HPSE2: variants seen among roughly 807,000 people sequenced by gnomAD.
HPSE2 encodes the protein heparanase 2 (inactive).
Under a neutral mutation model 60.5 loss-of-function variants are expected in HPSE2, and 38 were observed. The ratio of observed to expected loss-of-function variants is 0.63; its 90% CI spans 0.48 to 0.82. HPSE2 has a LOEUF of 0.82. Among genes scored for constraint, HPSE2 ranks in the 40% least tolerant of loss-of-function variants. The probability of loss-of-function intolerance (pLI) is 0.00; values close to 1 mark genes in which losing one functional copy is unlikely to be tolerated. For missense variants in HPSE2, 713 were observed against 740.4 expected, an observed-to-expected ratio of 0.96 and a Z score of 0.43; for synonymous variants, 295 against 293.2, an observed-to-expected ratio of 1.01 and a Z score of -0.06.
In HPSE2 at chr10:98,641,858, T is replaced by C. The variant is rs1946646490; in HGVS notation, c.1087A>G (p.Lys363Glu). The stretch of plus-strand genomic sequence containing the variant: ...ATACTTTTACTCACTTTCTGAATTT[T>C]CCTAATCTGGTCAGAGAGTGTGTCT... Reference protein sequence around the residue: ...LLDTLSDQIRKIQKVVNTYTP... With the variant: ...LLDTLSDQIREIQKVVNTYTP... Residue 363 changes from lysine (K) to glutamate (E), a missense_variant, in exon 7 of 12, where the codon AAA (lysine) becomes GAA (glutamate). By Grantham distance (56) the Lys-to-Glu change is moderately conservative. Coordinates refer to ENST00000370552, the MANE Select transcript of HPSE2 (RefSeq NM_021828.5). The C allele has an allele frequency of 1.2e-6, 2 of 1,612,858 alleles. No individual in the cohort carries two copies. The highest frequency in any genetic ancestry group is 3.3e-5 in the Admixed American group (2 of 59,998).
intron 3 of HPSE2, among the ~76,000 whole-genome samples, chr10:98,955,156 A>G (rs1955473663): frequency 6.6e-6 from 1 of 151,872 alleles, no homozygotes; most frequent in South Asian, 2.1e-4. Context: ...TCACTCAGCA[A>G]TTTGTTATTA....
At chr10:99,158,675 A>G (rs1181859005) in intron 2 of HPSE2, among the ~76,000 whole-genome samples, 1 of 149,446 alleles carries the variant, frequency 6.7e-6, no homozygotes, top group Non-Finnish European at 1.5e-5. Flanking sequence ...GCAGCGCACC[A>G]GCATGGCACA....
At chr10:99,302,870 T>C in the HPSE2 span, among the ~76,000 whole-genome samples, 2 of 150,830 alleles carry the variant, frequency 1.3e-5, no homozygotes, top group African/African-American at 2.4e-5. Flanking sequence ...GGACATACCC[T>C]GGGGAGGACT....
intron 9 of HPSE2, among the ~76,000 whole-genome samples, chr10:98,577,711 T>C (rs1944681150): frequency 6.6e-6 from 1 of 152,188 alleles, no homozygotes. Context: ...GCAGTGCCAC[T>C]GAAATTCATT....
chr10:98,562,751 C>G (rs1217348368), intron 9 of HPSE2, among the ~76,000 whole-genome samples: 1 of 148,548 alleles, frequency 6.7e-6, no homozygotes, highest in Non-Finnish European at 1.5e-5. Context: ...CTGGTCTACT[C>G]TTTTTATACA....
the HPSE2 span, among the ~76,000 whole-genome samples, chr10:99,304,117 T>C: frequency 8.5e-5 from 13 of 152,314 alleles, no homozygotes; most frequent in Admixed American, 8.5e-4. Context: ...GTATCTAATC[T>C]GATGCAGGAC....
At chr10:98,978,403 T>C (rs1564706446) in intron 3 of HPSE2, among the ~76,000 whole-genome samples, 2 of 152,200 alleles carry the variant, frequency 1.3e-5, no homozygotes, top group African/African-American at 4.8e-5. Context: ...ATTATCAATT[T>C]AGAATGAATC....
At chr10:98,544,187 T>G (rs546125985) in intron 9 of HPSE2, among the ~76,000 whole-genome samples, 6 of 152,292 alleles carry the variant, frequency 3.9e-5, no homozygotes, top group African/African-American at 1.4e-4. Flanking sequence ...CACCCAAAAC[T>G]GCTCAAGTAC....
At chr10:98,472,263 C>G (rs1268368747) in intron 11 of HPSE2, among the ~76,000 whole-genome samples, 1 of 151,934 alleles carries the variant, frequency 6.6e-6, no homozygotes, top group Non-Finnish European at 1.5e-5. Context: ...CCTTTCTGAA[C>G]TGGGGCACTA....
chr10:98,816,875 T>A (rs1196915845), intron 3 of HPSE2, among the ~76,000 whole-genome samples: 4 of 152,190 alleles, frequency 2.6e-5, no homozygotes, highest in Non-Finnish European at 4.4e-5. Flanking sequence ...TCTTTTTTTT[T>A]ATTTTTATTT....
rs530984067 is a variant in HPSE2 at position 98,779,577 on chromosome 10, G to C, written c.611-35521C>G. The stretch of plus-strand genomic sequence containing the variant: ...CTCTACCCACATAAGCTCTAACAGA[G>C]TTATCTTCAGAATTCAAATATTAAC... On this transcript the variant is annotated intron_variant, in intron 3 of 11. Coordinates refer to ENST00000370552, the MANE Select transcript of HPSE2 (RefSeq NM_021828.5). Among the ~76,000 whole-genome samples, 8 of 152,192 alleles carry C rather than the reference G, an allele frequency of 5.3e-5. No individual in the cohort carries two copies. The South Asian group carries it at 1.7e-3, about 32-fold the overall frequency.
At chr10:98,597,829 G>T (rs181547162) in intron 9 of HPSE2, among the ~76,000 whole-genome samples, 1 of 151,358 alleles carries the variant, frequency 6.6e-6, no homozygotes, top group African/African-American at 2.4e-5. Flanking sequence ...AAATTAGCTG[G>T]GCATGGTGGT....
At chr10:98,953,541 T>G (rs576315414) in intron 3 of HPSE2, among the ~76,000 whole-genome samples, 16 of 152,138 alleles carry the variant, frequency 1.1e-4, no homozygotes, top group African/African-American at 3.9e-4. Flanking sequence ...GTATTATCTA[T>G]CTAGCCCTGC....
chr10:98,895,950 G>C lies in HPSE2; in HGVS notation c.611-151894C>G, dbSNP rs1458038403. On this transcript the variant is annotated intron_variant, in intron 3 of 11. Transcript: ENST00000370552. ...GGGACTGTTGTGGGGTGGGGGGAGG[G>C]GGGAGGGATAGCCTTAGGAGATATG... is the stretch of plus-strand genomic sequence containing the variant. 3.0e-5 allele frequency among the ~76,000 whole-genome samples: 3 copies of C among 100,458 alleles called. No homozygotes were observed. In the East Asian group the frequency reaches 1.1e-3, roughly 38 times the overall value. The allele number at this position is 100,458 out of a possible 152,430, so 65.9% of individuals were successfully genotyped here.
At chr10:98,754,813 T>C (rs905118075) in intron 3 of HPSE2, among the ~76,000 whole-genome samples, 1 of 151,172 alleles carries the variant, frequency 6.6e-6, no homozygotes, top group African/African-American at 2.4e-5. Context: ...AGAAATAAAA[T>C]CCTTTTCAGA....
intron 3 of HPSE2, among the ~76,000 whole-genome samples, chr10:99,053,149 T>A (rs1958029164): frequency 6.6e-6 from 1 of 151,950 alleles, no homozygotes; most frequent in South Asian, 2.1e-4. Flanking sequence ...AAATTGGTAG[T>A]TTAATGAAAA....
chr10:99,033,979 G>A (rs990700474), intron 3 of HPSE2, among the ~76,000 whole-genome samples: 1 of 152,102 alleles, frequency 6.6e-6, no homozygotes, highest in Non-Finnish European at 1.5e-5. Flanking sequence ...AAAGTAGAGT[G>A]AATCAAATGC....
chr10:99,112,408 TTTTGTTGTGTTTTG>T (rs1379930538), intron 3 of HPSE2, among the ~76,000 whole-genome samples: 2 of 89,638 alleles, frequency 2.2e-5, no homozygotes, highest in Non-Finnish European at 2.7e-5. Flanking sequence ...CCCGGCTTTT[TTTTGTTGTGTTTTG>T]TTTTGTTTTG....
chr10:98,841,951 C>T (rs571234344), intron 3 of HPSE2, among the ~76,000 whole-genome samples: 6 of 152,206 alleles, frequency 3.9e-5, no homozygotes, highest in South Asian at 2.1e-4. Context: ...GGACTACAGG[C>T]GTGTGCCACC....
Sources: allele counts gnomAD v4.1 joint callset (sites outside exome capture counted in the v4.1 genomes callset), GRCh38; gene constraint gnomAD v4.1.1; transcripts MANE v1.5; gene names NCBI Gene and HGNC (gene_info 2026-07-23, HGNC 2026-07-21).